The following ORC4 variants were observed in gnomAD, a reference collection of about 807,000 sequenced individuals.
ORC4 encodes origin recognition complex, subunit 4 homolog.
In ORC4, 55 loss-of-function variants were observed where a neutral mutation model predicts 63.9. That is an observed-to-expected ratio of 0.86 (90% confidence interval 0.69 to 1.08). The LOEUF (loss-of-function observed/expected upper bound fraction) is 1.08, where lower values mean the gene tolerates loss of function less well. Among genes scored for constraint, ORC4 ranks in the 50% least tolerant of loss-of-function variants. The pLI, the probability that ORC4 is intolerant of heterozygous loss-of-function variation, is 0.00. For synonymous variants in ORC4, 150 were observed against 168.5 expected (o/e 0.89, Z 0.85); for missense variants, 511 against 504.4 (o/e 1.01, Z -0.13).
chr2:147,985,478 G>T (rs868578960), intron 1 of ORC4, among the ~76,000 whole-genome samples: 1 of 152,174 alleles, frequency 6.6e-6, no homozygotes, highest in African/African-American at 2.4e-5. Flanking sequence ...TTACAGGCGT[G>T]AGCCACCGTG....
chr2:147,960,108 A>G (rs1309791835), intron 4 of ORC4: 1 of 280,750 alleles, frequency 3.6e-6, no homozygotes, highest in Non-Finnish European at 5.4e-6. Flanking sequence ...ACAATGTTTT[A>G]TGTTTTGATG....
chr2:147,979,770 A>G (rs1369367034), intron 1 of ORC4, among the ~76,000 whole-genome samples: 1 of 152,192 alleles, frequency 6.6e-6, no homozygotes, highest in Non-Finnish European at 1.5e-5. Flanking sequence ...AAATAAATCC[A>G]TACTTTTACA....
At chr2:148,000,895 A>G (rs1300837487) in intron 1 of ORC4, among the ~76,000 whole-genome samples, 2 of 152,252 alleles carry the variant, frequency 1.3e-5, no homozygotes, top group South Asian at 2.1e-4. Context: ...ATGTTTGTGG[A>G]AAAAGGCTAA....
chr2:147,971,599 T>G (rs111724514), intron 4 of ORC4, among the ~76,000 whole-genome samples: 2 of 151,916 alleles, frequency 1.3e-5, no homozygotes, highest in African/African-American at 4.8e-5. Context: ...AAAAGTTTCT[T>G]AAATTTAAAA....
At chr2:147,988,185 G>A (rs1691343474) in intron 1 of ORC4, among the ~76,000 whole-genome samples, 1 of 151,940 alleles carries the variant, frequency 6.6e-6, no homozygotes, top group Non-Finnish European at 1.5e-5. Flanking sequence ...TGTATCAGCA[G>A]GTCAAGTCAT....
intron 2 of ORC4, 68 bp downstream of exon 2, chr2:147,975,834 A>T: frequency 1.1e-6 from 1 of 927,354 alleles, no homozygotes; most frequent in East Asian, 2.4e-5. Flanking sequence ...CAGGTTAAGA[A>T]GATAACTATT....
Position 147,931,327 on chromosome 2 carries a change from G to A in ORC4, c.*4183C>T, listed in dbSNP as rs1313683257. 2 of 151,886 alleles carry A rather than the reference G, an allele frequency of 1.3e-5. No homozygotes were observed. The highest frequency in any genetic ancestry group is 1.9e-4 in the East Asian group (1 of 5,174). The allele number at this position is 151,886 out of a possible 1,614,324, so 9.4% of individuals were successfully genotyped here. A position where few individuals can be genotyped will look rare whatever the true frequency, so the allele number is the denominator to read the frequency against. On this transcript the variant is annotated 3_prime_UTR_variant, in exon 14 of 14. Transcript: ENST00000392857. ...TGCCACAATAAACATACGTGTGCAT[G>A]TGTCTTTATAGCAGCATGATTTATA...
intron 1 of ORC4, among the ~76,000 whole-genome samples, chr2:147,994,939 G>C (rs1371681724): frequency 1.3e-5 from 2 of 152,182 alleles, no homozygotes; most frequent in African/African-American, 4.8e-5. Flanking sequence ...AAGCCAGCTG[G>C]ACTTCCTGGG....
intron 10 of ORC4, among the ~76,000 whole-genome samples, 186 bp downstream of exon 10, chr2:147,943,249 GA>G (rs1688463846): frequency 6.6e-6 from 1 of 152,034 alleles, no homozygotes; most frequent in South Asian, 2.1e-4. Flanking sequence ...TCTAATGAAA[GA>G]TAGAAAATGA....
Position 147,938,338 on chromosome 2 carries a change from G to C in ORC4, c.1014C>G (p.Ile338Met), listed in dbSNP as rs1166400538. The change falls in exon 12 of 14, where the codon ATC (isoleucine) becomes ATG (methionine). Residue 338 changes from isoleucine (I) to methionine (M), a missense_variant. Physicochemically the swap from Ile to Met is conservative, Grantham distance 10. Coordinates refer to ENST00000392857, the MANE Select transcript of ORC4 (RefSeq NM_181741.4). Reference protein sequence around the residue: ...LIIAMKHLNDIYEEEPFNFQM... With the variant: ...LIIAMKHLNDMYEEEPFNFQM... Reference sequence around the variant, plus strand: ...GAAAATTAAATGGCTCTTCCTCATAGATGTCATTTAAATGTTTCATTGCTA... The same window carrying C: ...GAAAATTAAATGGCTCTTCCTCATACATGTCATTTAAATGTTTCATTGCTA... 2 of 1,608,048 alleles carry C rather than the reference G, an allele frequency of 1.2e-6. No homozygotes were observed. The highest frequency in any genetic ancestry group is 1.7e-6 in the Non-Finnish European group (2 of 1,176,018).
At chr2:148,001,512 C>G (rs1254953385) in intron 1 of ORC4, among the ~76,000 whole-genome samples, 1 of 152,108 alleles carries the variant, frequency 6.6e-6, no homozygotes, top group Non-Finnish European at 1.5e-5. Flanking sequence ...CCAAACTAAG[C>G]TTCATAAGTG....
rs1687809963 is a variant in ORC4, at chr2:147,932,279, C to CA, written c.*3230dup. 6.6e-6 allele frequency: 1 copy of CA among 152,060 alleles called. No homozygotes were observed. Among genetic ancestry groups the CA allele is most frequent in the Admixed American group, 6.6e-5 (1 of 15,254 alleles). 9.4% of individuals were successfully genotyped at this position (152,060 alleles called of 1,614,324 possible). ...TGAAGGACCTCTTCAAGGAGAACTA[C>CA]AAGCTACTGCTCAAGGAAATAAAAG... On this transcript the variant is annotated 3_prime_UTR_variant, in exon 14 of 14. Transcript: ENST00000392857.
Position 147,935,358 on chromosome 2 carries a change from A to AT in ORC4, c.*151_*152insA. On this transcript the variant is annotated 3_prime_UTR_variant, in exon 14 of 14. Transcript: ENST00000392857. Reference sequence around the variant, plus strand: ...AATCATGTAACTGTTCATGATTAAAAGGCAAGACACAGCCAAGACAGTAGA... The same window carrying AT: ...AATCATGTAACTGTTCATGATTAAAATGGCAAGACACAGCCAAGACAGTAGA... 1 of 652,582 alleles carries AT rather than the reference A, an allele frequency of 1.5e-6. No individual in the cohort carries two copies. 40.4% of individuals were successfully genotyped at this position (652,582 alleles called of 1,614,324 possible).
intron 4 of ORC4, chr2:147,960,360 C>A: frequency 1.0e-6 from 1 of 973,248 alleles, no homozygotes; most frequent in Non-Finnish European, 1.2e-6. Context: ...TAGTTCTAAT[C>A]TGGGTATTGC....
chr2:147,935,348 C>A lies in ORC4; in HGVS notation c.*162G>T. On this transcript the variant is annotated 3_prime_UTR_variant, in exon 14 of 14. Coordinates refer to ENST00000392857, the MANE Select transcript of ORC4 (RefSeq NM_181741.4). ...TGAAATTATAAATCATGTAACTGTT[C>A]ATGATTAAAAGGCAAGACACAGCCA... The A allele has an allele frequency of 1.6e-6, 1 of 635,636 alleles. No individual in the cohort carries two copies. Among genetic ancestry groups the A allele is most frequent in the Non-Finnish European group, 2.8e-6 (1 of 353,556 alleles). The allele number at this position is 635,636 out of a possible 1,614,324, so 39.4% of individuals were successfully genotyped here. A position where few individuals can be genotyped will look rare whatever the true frequency, so the allele number is the denominator to read the frequency against.
upstream of ORC4, chr2:148,021,477 G>A (rs1456233944): frequency 1.7e-6 from 1 of 578,714 alleles, no homozygotes; most frequent in Non-Finnish European, 3.3e-6. Flanking sequence ...TGCTGCTGCT[G>A]CTGTTGCTGC....
At position 147,933,424 on chromosome 2, in the gene ORC4, C is replaced by G. The variant is rs1687876233; in HGVS notation, c.*2086G>C. ...AAAAATGCCTTGGGAATATAATAGG[C>G]GTACACTTCATTTGTGTAACTTTTC... On this transcript the variant is annotated 3_prime_UTR_variant, in exon 14 of 14. Coordinates refer to ENST00000392857, the MANE Select transcript of ORC4 (RefSeq NM_181741.4). 6.6e-6 allele frequency: 1 copy of G among 152,010 alleles called. No homozygotes were observed. The highest frequency in any genetic ancestry group is 2.4e-5 in the African/African-American group (1 of 41,408). 9.4% of individuals were successfully genotyped at this position (152,010 alleles called of 1,614,324 possible).
chr2:147,938,958 A>AT (rs558939593), intron 11 of ORC4, among the ~76,000 whole-genome samples, 182 bp downstream of exon 11: 1 of 151,714 alleles, frequency 6.6e-6, no homozygotes, highest in Non-Finnish European at 1.5e-5. Context: ...AGAGCGTCAA[A>AT]TTTTTTTTTC....
At chr2:148,005,352 T>C (rs1692561749) in intron 1 of ORC4, among the ~76,000 whole-genome samples, 1 of 151,136 alleles carries the variant, frequency 6.6e-6, no homozygotes, top group Admixed American at 6.6e-5. Flanking sequence ...AGCTGAACAA[T>C]GAGAACACAT....
Sources: allele counts gnomAD v4.1 joint callset (sites outside exome capture counted in the v4.1 genomes callset), GRCh38; gene constraint gnomAD v4.1.1; transcripts MANE v1.5; gene names NCBI Gene and HGNC (gene_info 2026-07-23, HGNC 2026-07-21).